PCNP: variants seen among roughly 807,000 people sequenced by gnomAD.
The protein encoded by PCNP is PEST proteolytic signal containing nuclear protein.
In PCNP, 6 loss-of-function variants were observed where a neutral mutation model predicts 21.8. The observed-to-expected ratio is 0.28, with a 90% CI of 0.15 to 0.54. The LOEUF is 0.54. Ranked by LOEUF, PCNP falls within the 20% of genes least tolerant of loss-of-function variation. The probability of loss-of-function intolerance (pLI) is 0.95; values close to 1 mark genes in which losing one functional copy is unlikely to be tolerated. For synonymous variants in PCNP, 67 were observed against 73.2 expected, an observed-to-expected ratio of 0.92 and a Z score of 0.43; for missense variants, 161 against 215.5, an observed-to-expected ratio of 0.75 and a Z score of 1.58.
chr3:101,589,530 C>T (rs1935700241), intron 3 of PCNP, among the ~76,000 whole-genome samples: 1 of 152,060 alleles, frequency 6.6e-6, no homozygotes, highest in Admixed American at 6.6e-5. Flanking sequence ...CCTGCCTCAG[C>T]CTCCTGAGTA....
intron 1 of PCNP, among the ~76,000 whole-genome samples, chr3:101,574,499 C>T (rs1254213524): frequency 6.6e-6 from 1 of 152,204 alleles, no homozygotes; most frequent in Admixed American, 6.5e-5. Context: ...TGTTCGTCAC[C>T]TCCTGGCCCC....
intron 1 of PCNP, 24 bp from the exon 2 acceptor site, chr3:101,579,766 G>C: frequency 6.5e-7 from 1 of 1,539,832 alleles, no homozygotes; most frequent in Non-Finnish European, 9.0e-7. Context: ...AGCTCATCTT[G>C]GTAAGTTGTT....
chr3:101,581,000 C>G (rs1935192057), intron 2 of PCNP, among the ~76,000 whole-genome samples: 1 of 152,140 alleles, frequency 6.6e-6, no homozygotes, highest in Non-Finnish European at 1.5e-5. Flanking sequence ...TAGCTTTATT[C>G]TACATTAGAT....
chr3:101,586,979 C>T (rs188481130), intron 3 of PCNP, among the ~76,000 whole-genome samples: 141 of 152,190 alleles, frequency 9.3e-4, no homozygotes, highest in Non-Finnish European at 1.7e-3. Flanking sequence ...TGTGGCCGCG[C>T]GCAGTGGCTC....
intron 1 of PCNP, among the ~76,000 whole-genome samples, chr3:101,578,170 G>A (rs1437666161): frequency 6.6e-6 from 1 of 151,990 alleles, no homozygotes; most frequent in African/African-American, 2.4e-5. Flanking sequence ...CTGTTCCATT[G>A]TGTAGAGCCA....
At chr3:101,591,766 GTTTTTTT>G (rs149888934) in intron 4 of PCNP, among the ~76,000 whole-genome samples, 15 of 102,292 alleles carry the variant, frequency 1.5e-4, no homozygotes, top group African/African-American at 4.2e-4. Flanking sequence ...TGATTTTGGT[GTTTTTTT>G]TTTTTTTTTT....
chr3:101,575,408 T>G (rs973700664), intron 1 of PCNP, among the ~76,000 whole-genome samples: 2 of 151,938 alleles, frequency 1.3e-5, no homozygotes, highest in Non-Finnish European at 2.9e-5. Context: ...GGATTTCCTT[T>G]TTAAAAAACA....
At chr3:101,588,327 CAT>C (rs1451770622) in intron 3 of PCNP, among the ~76,000 whole-genome samples, 1 of 152,146 alleles carries the variant, frequency 6.6e-6, no homozygotes, top group Non-Finnish European at 1.5e-5. Context: ...AGTGCACACA[CAT>C]GTTGTCTTTT....
At chr3:101,584,913 A>T (rs1398184800) in intron 2 of PCNP, among the ~76,000 whole-genome samples, 2 of 152,250 alleles carry the variant, frequency 1.3e-5, no homozygotes, top group African/African-American at 4.8e-5. Context: ...CCAAGTCATG[A>T]GAATCATTTG....
intron 1 of PCNP, among the ~76,000 whole-genome samples, chr3:101,578,501 C>G (rs1935048571): frequency 6.6e-6 from 1 of 152,192 alleles, no homozygotes; most frequent in Non-Finnish European, 1.5e-5. Flanking sequence ...ATCTTTGTCT[C>G]TTAGGGAAAT....
chr3:101,588,016 T>A (rs1040040951), intron 3 of PCNP, among the ~76,000 whole-genome samples: 4 of 152,224 alleles, frequency 2.6e-5, no homozygotes, highest in African/African-American at 9.6e-5. Flanking sequence ...CTCATGCCTG[T>A]AATCCCAGTA....
rs150940762 is a variant in PCNP at position 101,576,702 on chromosome 3, C to G, written c.64+2423C>G. ...TTACATCCTTCTGTCTGTTCAAGAA[C>G]CAGTCTGGGATCTTGTACTGGCGTG... On this transcript the variant is annotated intron_variant, in intron 1 of 4. Transcript: ENST00000265260. 211 of 1,612,208 alleles carry G rather than the reference C, an allele frequency of 1.3e-4. No individual in the cohort carries two copies. In the African/African-American group the frequency reaches 2.7e-3, roughly 20 times the overall value.
At chr3:101,583,275 G>A (rs1469097107) in intron 2 of PCNP, among the ~76,000 whole-genome samples, 3 of 152,198 alleles carry the variant, frequency 2.0e-5, no homozygotes, top group Non-Finnish European at 4.4e-5. Flanking sequence ...GGCCAACATA[G>A]CAAAACTCCA....
At chr3:101,591,239 C>T (rs1013845657) in intron 4 of PCNP, among the ~76,000 whole-genome samples, 7 of 152,152 alleles carry the variant, frequency 4.6e-5, no homozygotes, top group African/African-American at 7.2e-5. Flanking sequence ...ACACGATGTG[C>T]AGTTTCCTGT....
At chr3:101,581,064 A>G (rs1245881818) in intron 2 of PCNP, among the ~76,000 whole-genome samples, 2 of 152,192 alleles carry the variant, frequency 1.3e-5, no homozygotes, top group African/African-American at 2.4e-5. Flanking sequence ...TATTTGGGCT[A>G]TTCTCATTTT....
Position 101,574,289 on chromosome 3 carries a change from A to G in PCNP, c.64+10A>G. 1 of 1,372,704 alleles carries G rather than the reference A, an allele frequency of 7.3e-7. No homozygotes were observed. Among genetic ancestry groups the G allele is most frequent in the South Asian group, 1.3e-5 (1 of 79,208 alleles). The allele number at this position is 1,372,704 out of a possible 1,614,324, so 85.0% of individuals were successfully genotyped here. On this transcript the variant is annotated intron_variant, in intron 1 of 4. Transcript: ENST00000265260. ...GCTGGAGCCGCCGGAGGTGAACACA[A>G]CCCCAGCGTCGTGGGCAGCGTGGGA...
intron 2 of PCNP, among the ~76,000 whole-genome samples, chr3:101,584,241 A>G (rs980152473): frequency 5.9e-5 from 9 of 152,210 alleles, no homozygotes; most frequent in Non-Finnish European, 1.3e-4. Flanking sequence ...AAAACTAGGA[A>G]TGAATGAAAT....
At chr3:101,574,107 G>C, upstream of PCNP, 1 of 1,437,600 alleles carries the variant, frequency 7.0e-7, no homozygotes, top group South Asian at 1.4e-5. Flanking sequence ...TTCATTCCTC[G>C]GGACCGCTCT....
At chr3:101,580,645 C>T (rs1935175521) in intron 2 of PCNP, among the ~76,000 whole-genome samples, 1 of 152,024 alleles carries the variant, frequency 6.6e-6, no homozygotes, top group African/African-American at 2.4e-5. Context: ...TACTGTATAT[C>T]TTATGTTGGT....
Sources: gnomAD v4.1 joint callset for allele counts (sites outside exome capture counted in the v4.1 genomes callset) on GRCh38, gnomAD v4.1.1 for gene constraint, MANE v1.5 for transcripts, NCBI Gene and HGNC (gene_info 2026-07-23, HGNC 2026-07-21) for gene names.